Variants in CDH18 observed in about 807,000 individuals in gnomAD.
CDH18 encodes the protein cadherin-18.
A neutral mutation model predicts 67.9 loss-of-function variants in CDH18; 31 were observed. The observed-to-expected ratio is 0.46, with a 90% CI of 0.34 to 0.62. The LOEUF (loss-of-function observed/expected upper bound fraction) is 0.62. Among genes scored for constraint, CDH18 ranks in the 20% least tolerant of loss-of-function variants. The pLI is 0.01. For missense variants in CDH18, 890 were observed against 975.5 expected (o/e 0.91, Z 1.17); for synonymous variants, 362 against 347.2 (o/e 1.04, Z -0.48).
intron 2 of CDH18, among the ~76,000 whole-genome samples, chr5:20,063,717 A>G (rs1742710440): frequency 6.6e-6 from 1 of 152,192 alleles, no homozygotes; most frequent in Non-Finnish European, 1.5e-5. Context: ...ACACTAAACA[A>G]GACACTAAAT....
chr5:19,886,261 G>A (rs1342975273), intron 2 of CDH18: 2 of 152,080 alleles, frequency 1.3e-5, no homozygotes, highest in African/African-American at 2.4e-5. Context: ...TTAGATGACT[G>A]CAGTACTTAA....
At chr5:19,688,084 C>T (rs530023989) in intron 5 of CDH18, among the ~76,000 whole-genome samples, 5 of 152,278 alleles carry the variant, frequency 3.3e-5, no homozygotes, top group African/African-American at 9.6e-5. Context: ...CCATTAACAC[C>T]ACAGCATGCT....
chr5:19,962,073 G>C (rs984227814), intron 2 of CDH18, among the ~76,000 whole-genome samples: 4 of 151,492 alleles, frequency 2.6e-5, no homozygotes, highest in African/African-American at 9.7e-5. Flanking sequence ...ACATTATTTT[G>C]TTTGAAGAAA....
At chr5:20,322,703 G>GA (rs909383301) in intron 1 of CDH18, among the ~76,000 whole-genome samples, 9 of 151,880 alleles carry the variant, frequency 5.9e-5, no homozygotes, top group South Asian at 2.1e-4. Flanking sequence ...GAAGCTGCAA[G>GA]AAAAAAAATA....
chr5:20,219,936 A>G (rs963644753), intron 2 of CDH18, among the ~76,000 whole-genome samples: 34 of 152,106 alleles, frequency 2.2e-4, no homozygotes, highest in African/African-American at 7.5e-4. Context: ...GAAGATCTCT[A>G]TAATGAAAAC....
chr5:20,110,029 A>G (rs917507071), intron 2 of CDH18, among the ~76,000 whole-genome samples: 4 of 152,190 alleles, frequency 2.6e-5, no homozygotes, highest in African/African-American at 9.7e-5. Flanking sequence ...GAGAGAGATC[A>G]TGACAAGAAG....
At chr5:20,352,549 G>GA (rs1314717904) in intron 1 of CDH18, among the ~76,000 whole-genome samples, 1 of 151,328 alleles carries the variant, frequency 6.6e-6, no homozygotes, top group Non-Finnish European at 1.5e-5. Flanking sequence ...CGGAGGTCCA[G>GA]GTGGGCGGAT....
At chr5:20,517,453 A>G (rs1034361815) in intron 1 of CDH18, among the ~76,000 whole-genome samples, 1 of 151,836 alleles carries the variant, frequency 6.6e-6, no homozygotes, top group African/African-American at 2.4e-5. Flanking sequence ...TTAAACAAAT[A>G]TTATTTTCAA....
intron 3 of CDH18, among the ~76,000 whole-genome samples, chr5:19,788,506 C>T (rs1017418885): frequency 5.3e-5 from 8 of 152,106 alleles, no homozygotes; most frequent in African/African-American, 1.2e-4. Flanking sequence ...GACTATGAAA[C>T]GGATGCTGTT....
At chr5:19,844,135 G>A (rs1188428572) in intron 2 of CDH18, among the ~76,000 whole-genome samples, 2 of 152,090 alleles carry the variant, frequency 1.3e-5, no homozygotes, top group African/African-American at 2.4e-5. Flanking sequence ...GATTTTTCAG[G>A]GACTGTAGGG....
intron 3 of CDH18, chr5:19,804,132 A>G (rs1210586345): frequency 2.0e-5 from 3 of 149,396 alleles, no homozygotes; most frequent in Admixed American, 6.7e-5. Flanking sequence ...AAAAAAAAAA[A>G]AAAAGAAAAA....
intron 1 of CDH18, among the ~76,000 whole-genome samples, chr5:20,328,385 T>G (rs775989473): frequency 1.3e-5 from 2 of 152,002 alleles, no homozygotes; most frequent in Middle Eastern, 3.4e-3. Flanking sequence ...CTGGATCTAA[T>G]CATGTTGAGA....
intron 1 of CDH18, among the ~76,000 whole-genome samples, chr5:20,381,990 CATTA>C (rs959322226): frequency 2.6e-5 from 4 of 152,130 alleles, no homozygotes; most frequent in African/African-American, 9.6e-5. Flanking sequence ...AAAGTTATTA[CATTA>C]ATTTTTTGCC....
chr5:20,399,677 G>A (rs1437920987), intron 1 of CDH18, among the ~76,000 whole-genome samples: 2 of 152,108 alleles, frequency 1.3e-5, no homozygotes, highest in Non-Finnish European at 2.9e-5. Flanking sequence ...ATAAATATTA[G>A]GTTTGTTTAT....
At chr5:20,340,171 T>C (rs1740138132) in intron 1 of CDH18, among the ~76,000 whole-genome samples, 1 of 152,192 alleles carries the variant, frequency 6.6e-6, no homozygotes, top group South Asian at 2.1e-4. Context: ...AGAAAAGCTT[T>C]AATAAAACAC....
chr5:19,519,607 G>A (rs1746572318), intron 10 of CDH18, among the ~76,000 whole-genome samples: 1 of 152,140 alleles, frequency 6.6e-6, no homozygotes, highest in South Asian at 2.1e-4. Flanking sequence ...TCTTGGTTCT[G>A]AAAACAGAAT....
In CDH18 at chr5:20,376,107, T is replaced by TTTTTTTTTTTTTTTTTG. The variant is rs1318320616; in HGVS notation, c.-579-120603_-579-120602insCAAAAAAAAAAAAAAAA. The stretch of plus-strand genomic sequence containing the variant: ...AAAGAAACAATTTTTTTTTTTTTTT[T>TTTTTTTTTTTTTTTTTG]TTTTGAGACGGAGTCTCCCTCTGTC... On this transcript the variant is annotated intron_variant, in intron 1 of 14. Transcript: ENST00000507958. Among the ~76,000 whole-genome samples, 236 of 112,888 alleles carry TTTTTTTTTTTTTTTTTG rather than the reference T, an allele frequency of 2.1e-3. 12 individuals are homozygous for TTTTTTTTTTTTTTTTTG. The highest frequency in any genetic ancestry group is 7.1e-3 in the African/African-American group (230 of 32,582). The allele number at this position is 112,888 out of a possible 152,430, so 74.1% of individuals were successfully genotyped here.
chr5:19,884,392 G>A (rs1049469417), intron 2 of CDH18, among the ~76,000 whole-genome samples: 22 of 152,038 alleles, frequency 1.4e-4, no homozygotes, highest in African/African-American at 4.1e-4. Flanking sequence ...ATATAGAAAA[G>A]TTATTAAATA....
At chr5:19,490,718 T>C (rs347754) in intron 11 of CDH18, among the ~76,000 whole-genome samples, 3,745 of 152,116 alleles carry the variant, frequency 0.025, 170 homozygotes, top group African/African-American at 0.085. Flanking sequence ...CAGCCAAAAT[T>C]AGCAATGTTT....
Sources: allele counts gnomAD v4.1 joint callset (sites outside exome capture counted in the v4.1 genomes callset), GRCh38; gene constraint gnomAD v4.1.1; transcripts MANE v1.5; gene names NCBI Gene and HGNC (gene_info 2026-07-23, HGNC 2026-07-21).